The following LAMA2 variants were observed in gnomAD, a reference collection of about 807,000 sequenced individuals.
The protein encoded by LAMA2 is laminin subunit alpha 2, also known as laminin subunit alpha-2.
LAMA2 carries 269 observed loss-of-function variants against 364.8 expected under a neutral mutation model. The ratio of observed to expected loss-of-function variants is 0.74; its 90% CI spans 0.67 to 0.82. The LOEUF is 0.82. LAMA2 is among the 40% of genes least tolerant of loss of function. The probability of loss-of-function intolerance (pLI) is 0.00; values close to 1 mark genes in which losing one functional copy is unlikely to be tolerated. For missense variants in LAMA2, 3,807 were observed against 3,873.2 expected, an observed-to-expected ratio of 0.98 and a Z score of 0.45; for synonymous variants, 1,379 against 1,370.6, an observed-to-expected ratio of 1.01 and a Z score of -0.14.
intron 1 of LAMA2, among the ~76,000 whole-genome samples, chr6:128,947,989 T>C (rs1037096115): frequency 6.6e-6 from 1 of 151,948 alleles, no homozygotes; most frequent in Non-Finnish European, 1.5e-5. Context: ...AAAAGATCTT[T>C]TGAGACTATA....
intron 1 of LAMA2, among the ~76,000 whole-genome samples, chr6:128,945,388 A>G (rs1722533227): frequency 6.6e-6 from 1 of 152,170 alleles, no homozygotes; most frequent in African/African-American, 2.4e-5. Flanking sequence ...CTTGCCTGCT[A>G]ATCCATCTGA....
At chr6:129,368,980 T>C (rs1777926731) in intron 33 of LAMA2, among the ~76,000 whole-genome samples, 1 of 152,156 alleles carries the variant, frequency 6.6e-6, no homozygotes, top group South Asian at 2.1e-4. Flanking sequence ...ATGGGGGAAT[T>C]GTGGGCTGTC....
At chr6:129,225,158 T>A (rs1479714865) in intron 12 of LAMA2, among the ~76,000 whole-genome samples, 1 of 152,204 alleles carries the variant, frequency 6.6e-6, no homozygotes, top group African/African-American at 2.4e-5. Context: ...TAGTTTGTAT[T>A]TCTGTGGGAT....
At chr6:129,244,275 T>C (rs1785591037) in intron 12 of LAMA2, among the ~76,000 whole-genome samples, 1 of 152,094 alleles carries the variant, frequency 6.6e-6, no homozygotes, top group South Asian at 2.1e-4. Flanking sequence ...ATACATACAC[T>C]GAAGGAAATA....
chr6:129,102,580 T>G (rs1775580934), intron 4 of LAMA2, among the ~76,000 whole-genome samples: 1 of 152,236 alleles, frequency 6.6e-6, no homozygotes, highest in South Asian at 2.1e-4. Flanking sequence ...AAATTATCTT[T>G]AAAAGTTTTT....
chr6:129,319,022 C>CT (rs1774787826), intron 27 of LAMA2, among the ~76,000 whole-genome samples: 1 of 151,992 alleles, frequency 6.6e-6, no homozygotes, highest in Non-Finnish European at 1.5e-5. Context: ...TTATGATTTT[C>CT]TTTTCAATTA....
At chr6:129,308,671 A>G (rs1190026276) in intron 22 of LAMA2, among the ~76,000 whole-genome samples, 2 of 152,230 alleles carry the variant, frequency 1.3e-5, no homozygotes, top group Non-Finnish European at 2.9e-5. Flanking sequence ...CCTGTATCAG[A>G]CAATTCTTGC....
intron 1 of LAMA2, among the ~76,000 whole-genome samples, chr6:128,923,932 T>C (rs967331442): frequency 6.6e-6 from 1 of 152,138 alleles, no homozygotes; most frequent in South Asian, 2.1e-4. Context: ...GGCACCTAGG[T>C]CTTCAGTGCT....
intron 34 of LAMA2, among the ~76,000 whole-genome samples, chr6:129,370,339 T>C (rs1480228379): frequency 6.6e-6 from 1 of 152,174 alleles, no homozygotes; most frequent in Admixed American, 6.5e-5. Context: ...TGAAAATGCT[T>C]GTGGTCTCTT....
chr6:129,309,757 A>G (rs966382895), intron 22 of LAMA2, among the ~76,000 whole-genome samples: 2 of 152,206 alleles, frequency 1.3e-5, no homozygotes, highest in South Asian at 4.1e-4. Flanking sequence ...CATATTTATA[A>G]TATACAAATA....
rs944626181 is a variant in LAMA2 at position 129,223,945 on chromosome 6, A to G, written c.1783-26167A>G. On this transcript the variant is annotated intron_variant, in intron 12 of 64. Transcript: ENST00000421865. ...ATGAATTACCTTGGGCAGTATGGCC[A>G]TTTTCACGATATTGATTCTTCCTAT... Among the ~76,000 whole-genome samples, 56 of 152,272 alleles carry G rather than the reference A, an allele frequency of 3.7e-4. 1 individual carries two copies. The highest frequency in any genetic ancestry group is 1.0e-3 in the Admixed American group (16 of 15,300).
At chr6:129,009,812 C>T (rs1023644693) in intron 1 of LAMA2, among the ~76,000 whole-genome samples, 14 of 152,134 alleles carry the variant, frequency 9.2e-5, no homozygotes, top group African/African-American at 2.9e-4. Flanking sequence ...AAGTTTGACA[C>T]GTAACTCATA....
chr6:129,135,831 G>A (rs750778676), intron 4 of LAMA2, among the ~76,000 whole-genome samples: 3 of 152,156 alleles, frequency 2.0e-5, no homozygotes, highest in Admixed American at 6.6e-5. Context: ...AAATGTAAAT[G>A]AGAAGCTCCC....
In LAMA2 at chr6:129,147,023, C is replaced by A. The variant is rs1430049750; in HGVS notation, c.884C>A (p.Ala295Asp). The change falls in exon 6 of 65, where the codon GCT (alanine) becomes GAT (aspartate). Residue 295 changes from alanine to aspartate, a missense_variant. Coordinates refer to ENST00000421865, the MANE Select transcript of LAMA2 (RefSeq NM_000426.4). ...GMCICYGHAR[A>D]CPLDPATNKS... ...TGCATCTGCTATGGTCATGCCAGGG[C>A]TTGTCCACTTGATCCAGCGACAAAT... The A allele has an allele frequency of 6.2e-7, 1 of 1,609,380 alleles. No homozygotes were observed. Among genetic ancestry groups the A allele is most frequent in the Non-Finnish European group, 8.5e-7 (1 of 1,175,958 alleles).
intron 2 of LAMA2, among the ~76,000 whole-genome samples, chr6:129,050,401 G>T (rs954525639): frequency 3.9e-5 from 6 of 152,134 alleles, no homozygotes; most frequent in African/African-American, 1.4e-4. Flanking sequence ...ATCATTCATT[G>T]GTAATTTATG....
chr6:129,489,486 A>C (rs1316215577), intron 56 of LAMA2, among the ~76,000 whole-genome samples: 1 of 152,196 alleles, frequency 6.6e-6, no homozygotes, highest in Non-Finnish European at 1.5e-5. Context: ...CTTGGTGGCC[A>C]GCAGTTCTTA....
At chr6:129,238,112 G>A (rs1785122506) in intron 12 of LAMA2, among the ~76,000 whole-genome samples, 1 of 151,240 alleles carries the variant, frequency 6.6e-6, no homozygotes, top group South Asian at 2.1e-4. Flanking sequence ...GACAGAGGTT[G>A]CAGTGAGCCA....
At chr6:129,152,635 A>G (rs777577251) in intron 7 of LAMA2, among the ~76,000 whole-genome samples, 1 of 152,178 alleles carries the variant, frequency 6.6e-6, no homozygotes, top group Non-Finnish European at 1.5e-5. Flanking sequence ...TACTAAAGTG[A>G]TGCTAGGACT....
intron 12 of LAMA2, among the ~76,000 whole-genome samples, 178 bp downstream of exon 12, chr6:129,193,031 G>T (rs1489340858): frequency 6.6e-6 from 1 of 152,192 alleles, no homozygotes; most frequent in Non-Finnish European, 1.5e-5. Flanking sequence ...ACCTTAAAGA[G>T]CCACGGCATC....
Sources: allele counts gnomAD v4.1 joint callset (sites outside exome capture counted in the v4.1 genomes callset), GRCh38; gene constraint gnomAD v4.1.1; transcripts MANE v1.5; gene names NCBI Gene and HGNC (gene_info 2026-07-23, HGNC 2026-07-21).